Variants in AGO2 observed in about 807,000 individuals in gnomAD.
AGO2 encodes argonaute RISC catalytic component 2, also known as protein argonaute-2.
Under a neutral mutation model 102.3 loss-of-function variants are expected in AGO2, and 5 were observed. The ratio of observed to expected loss-of-function variants is 0.05; its 90% CI spans 0.03 to 0.10. AGO2 has a LOEUF of 0.10. Among genes scored for constraint, AGO2 ranks in the 10% least tolerant of loss-of-function variants. The pLI, the probability that AGO2 is intolerant of heterozygous loss-of-function variation, is 1.00. For synonymous variants in AGO2, 449 were observed against 473.1 expected (o/e 0.95, Z 0.66); for missense variants, 541 against 1,183.7 (o/e 0.46, Z 7.97).
Position 140,532,156 on chromosome 8 carries a change from C to T in AGO2, c.2472-4G>A. The stretch of plus-strand genomic sequence containing the variant: ...AGAGGTATGGCTTCCTTCAGCACTG[C>T]AGGGATGAGAGAGAGAGAGAATGAG... On this transcript the variant is annotated splice_region_variant and splice_polypyrimidine_tract_variant and intron_variant, in intron 18 of 18. Transcript: ENST00000220592. 6.2e-7 allele frequency: 1 copy of T among 1,612,368 alleles called. No homozygotes were observed. The highest frequency in any genetic ancestry group is 1.7e-5 in the Admixed American group (1 of 60,008).
At chr8:140,564,938 AC>A (rs1240217234) in intron 3 of AGO2, among the ~76,000 whole-genome samples, 1 of 151,718 alleles carries the variant, frequency 6.6e-6, no homozygotes, top group Non-Finnish European at 1.5e-5. Context: ...GTTCGAGACC[AC>A]CCCGGCCCAT....
In AGO2 at chr8:140,529,662, C is replaced by T. The variant is rs2072557042; in HGVS notation, c.*2382G>A. The T allele has an allele frequency of 6.6e-6, 1 of 152,174 alleles. No individual in the cohort carries two copies. The highest frequency in any genetic ancestry group is 2.4e-5 in the African/African-American group (1 of 41,434). The allele number at this position is 152,174 out of a possible 1,614,324, so 9.4% of individuals were successfully genotyped here. On this transcript the variant is annotated 3_prime_UTR_variant, in exon 19 of 19. Coordinates refer to ENST00000220592, the MANE Select transcript of AGO2 (RefSeq NM_012154.5). ...GTCTCAGGCATCTGCTCAGGAAGCA[C>T]CTCCTCCCTGCTGGGTGCCACCAGA...
At chr8:140,640,327 T>C (rs1309420300), upstream of AGO2, among the ~76,000 whole-genome samples, 1 of 151,756 alleles carries the variant, frequency 6.6e-6, no homozygotes, top group Non-Finnish European at 1.5e-5. Context: ...ATTCTTTTTG[T>C]TTGTTTTATT....
Position 140,531,998 on chromosome 8 carries a change from T to A in AGO2, c.*46A>T. ...CATCTGTTGGTCTGAGTGTAGCTGGTCTCGTGAATCCCACTCGGTACACAA... is the reference window on the plus strand; with the variant it reads ...CATCTGTTGGTCTGAGTGTAGCTGGACTCGTGAATCCCACTCGGTACACAA... On this transcript the variant is annotated 3_prime_UTR_variant, in exon 19 of 19. Transcript: ENST00000220592. 6.5e-7 allele frequency: 1 copy of A among 1,550,386 alleles called. No individual in the cohort carries two copies. The highest frequency in any genetic ancestry group is 1.7e-4 in the Middle Eastern group (1 of 5,944).
In AGO2 at chr8:140,539,173, G is replaced by T; in HGVS notation, c.2169+147C>A. ...CAGCCTTCTCTAGTGTCTAAACCTG[G>T]GTCCCCATGAAGCCCCTTAGAGGAC... On this transcript the variant is annotated intron_variant, in intron 16 of 18. Transcript: ENST00000220592. This position sits in a 1 kb window ranked among gnomAD's most constrained non-coding sequence, Gnocchi z 4.7. 2 of 1,144,684 alleles carry T rather than the reference G, an allele frequency of 1.7e-6. No homozygotes were observed. The highest frequency in any genetic ancestry group is 2.4e-6 in the Non-Finnish European group (2 of 826,790). 70.9% of individuals were successfully genotyped at this position (1,144,684 alleles called of 1,614,324 possible).
intron 5 of AGO2, among the ~76,000 whole-genome samples, 193 bp downstream of exon 5, chr8:140,560,181 C>T (rs2073174383): frequency 6.6e-6 from 1 of 152,248 alleles, no homozygotes; most frequent in Non-Finnish European, 1.5e-5. Context: ...CTCGTGGCTT[C>T]ACGCTGGCCT....
intron 1 of AGO2, among the ~76,000 whole-genome samples, chr8:140,601,393 G>A (rs1000614005): frequency 9.9e-5 from 15 of 152,114 alleles, no homozygotes; most frequent in Admixed American, 2.6e-4. Context: ...CCTCAACAGC[G>A]CTTGCCACCT....
At chr8:140,593,756 G>A (rs189192033) in intron 1 of AGO2, among the ~76,000 whole-genome samples, 7 of 152,068 alleles carry the variant, frequency 4.6e-5, no homozygotes, top group African/African-American at 1.4e-4. Context: ...TCCTTACCAC[G>A]GGCAAGGCAG....
chr8:140,559,345 G>A lies in AGO2; in HGVS notation c.790+50C>T, dbSNP rs73362305. ...CAAAATGCGGTCCCGGAGGCGGACCGGGAAGGGGCCTCCCAGCCCTCAGCC... is the reference window on the plus strand; with the variant it reads ...CAAAATGCGGTCCCGGAGGCGGACCAGGAAGGGGCCTCCCAGCCCTCAGCC... On this transcript the variant is annotated intron_variant, in intron 6 of 18. Coordinates refer to ENST00000220592, the MANE Select transcript of AGO2 (RefSeq NM_012154.5). 1.8e-3 allele frequency: 2,845 copies of A among 1,601,246 alleles called. 7 individuals carry two copies. Among genetic ancestry groups the A allele is most frequent in the African/African-American group, 8.4e-3 (626 of 74,440 alleles).
intron 4 of AGO2, among the ~76,000 whole-genome samples, chr8:140,561,913 C>T (rs186653056): frequency 6.6e-6 from 1 of 152,352 alleles, no homozygotes; most frequent in Non-Finnish European, 1.5e-5. Flanking sequence ...GCGGGCCACT[C>T]AGGAAATTAG....
At chr8:140,607,461 TATATATATATATATATATATATATA>T (rs2074015853) in intron 1 of AGO2, among the ~76,000 whole-genome samples, 1 of 2,078 alleles carries the variant, frequency 4.8e-4, no homozygotes, top group Non-Finnish European at 9.3e-4. Flanking sequence ...AGAAAAATTA[TATATATATATATATATATATATATA>T]TATATATATA....
chr8:140,612,990 G>C (rs2074099963), intron 1 of AGO2, among the ~76,000 whole-genome samples: 1 of 152,006 alleles, frequency 6.6e-6, no homozygotes, highest in Admixed American at 6.6e-5. Context: ...ACGAGGTCAG[G>C]AGATCGACAC....
At chr8:140,625,688 T>G (rs935994412) in intron 1 of AGO2, among the ~76,000 whole-genome samples, 1 of 152,188 alleles carries the variant, frequency 6.6e-6, no homozygotes, top group African/African-American at 2.4e-5. Flanking sequence ...GACTCTACCA[T>G]GCGCATCCCC....
At chr8:140,576,970 G>A (rs2073474676) in intron 2 of AGO2, among the ~76,000 whole-genome samples, 1 of 152,124 alleles carries the variant, frequency 6.6e-6, no homozygotes, top group African/African-American at 2.4e-5. Context: ...CACTTTGGGA[G>A]GCCGAAGCAG....
intron 1 of AGO2, among the ~76,000 whole-genome samples, chr8:140,607,377 G>C (rs1455341627): frequency 2.0e-5 from 3 of 150,832 alleles, no homozygotes; most frequent in Non-Finnish European, 4.4e-5. Context: ...AGTGTGCTAT[G>C]ACTGTACCTG....
intron 1 of AGO2, among the ~76,000 whole-genome samples, chr8:140,628,794 A>AAT: frequency 6.8e-6 from 1 of 146,900 alleles, no homozygotes; most frequent in Non-Finnish European, 1.5e-5. Flanking sequence ...CAACAACAAT[A>AAT]ATAATAATAG....
chr8:140,579,793 G>C (rs1056479212), intron 2 of AGO2, among the ~76,000 whole-genome samples: 1 of 152,208 alleles, frequency 6.6e-6, no homozygotes, highest in African/African-American at 2.4e-5. Flanking sequence ...GCACCAGACT[G>C]TCTTGTAAAC....
intron 17 of AGO2, among the ~76,000 whole-genome samples, chr8:140,534,549 C>G (rs2072661450): frequency 1.3e-5 from 2 of 152,266 alleles, no homozygotes; most frequent in African/African-American, 4.8e-5. Context: ...CTCTCAGCTC[C>G]CGGGCTGCAG....
intron 1 of AGO2, 121 bp from the exon 2 acceptor site, chr8:140,585,432 A>G (rs2073641310): frequency 1.8e-6 from 2 of 1,111,040 alleles, no homozygotes; most frequent in Admixed American, 2.7e-5. Context: ...GTCCAGGCCA[A>G]TATTGCATTC....
Sources: allele counts gnomAD v4.1 joint callset (sites outside exome capture counted in the v4.1 genomes callset), GRCh38; gene constraint gnomAD v4.1.1; non-coding constraint Gnocchi (gnomAD v3.1); transcripts MANE v1.5; gene names NCBI Gene and HGNC (gene_info 2026-07-23, HGNC 2026-07-21).